CD59: variants seen among roughly 807,000 people sequenced by gnomAD.
CD59 encodes the protein CD59 molecule (CD59 blood group), also known as CD59 glycoprotein.
CD59 carries 3 observed loss-of-function variants against 7.0 expected under a neutral mutation model. The ratio of observed to expected loss-of-function variants is 0.43; its 90% CI spans 0.19 to 1.10. CD59 has a LOEUF of 1.10. Ranked by LOEUF, CD59 falls within the 50% of genes least tolerant of loss-of-function variation. The pLI is 0.29. For synonymous variants in CD59, 60 were observed against 62.0 expected, an observed-to-expected ratio of 0.97 and a Z score of 0.15; for missense variants, 143 against 151.0, an observed-to-expected ratio of 0.95 and a Z score of 0.28.
intron 1 of CD59, among the ~76,000 whole-genome samples, chr11:33,723,631 C>T (rs981523246): frequency 3.3e-5 from 5 of 152,226 alleles, no homozygotes; most frequent in East Asian, 1.9e-4. Context: ...CCCCACCACC[C>T]GCTGGGCTCT....
chr11:33,735,150 T>G (rs1316614604), intron 1 of CD59, among the ~76,000 whole-genome samples: 1 of 152,130 alleles, frequency 6.6e-6, no homozygotes, highest in Non-Finnish European at 1.5e-5. Context: ...CCCTCAACAT[T>G]CGGGGCTCTG....
In CD59 at chr11:33,710,294, G is replaced by A. The variant is rs761038612; in HGVS notation, c.219C>T (p.Asn73=). ...KCWKFEHCNF[N]DVTTRLRENE... ...TTTCCCTCAAGCGGGTTGTGACGTCGTTGAAATTGCAATGCTCAAACTTCC... is the reference window on the plus strand; with the variant it reads ...TTTCCCTCAAGCGGGTTGTGACGTCATTGAAATTGCAATGCTCAAACTTCC... The change falls in exon 4 of 4, where the codon AAC becomes AAT. Residue 73 remains asparagine (N), a synonymous_variant. Coordinates refer to ENST00000642928, the MANE Select transcript of CD59 (RefSeq NM_000611.6). The A allele has an allele frequency of 6.2e-6, 10 of 1,614,054 alleles. No homozygotes were observed. Among genetic ancestry groups the A allele is most frequent in the Non-Finnish European group, 8.5e-6 (10 of 1,180,016 alleles).
chr11:33,722,626 C>T (rs1277988135), intron 1 of CD59, 163 bp from the exon 2 acceptor site: 1 of 1,490,786 alleles, frequency 6.7e-7, no homozygotes, highest in Non-Finnish European at 9.0e-7. Context: ...TGACCCACAG[C>T]ACCATATACC....
intron 2 of CD59, among the ~76,000 whole-genome samples, chr11:33,722,162 C>T (rs1372701182): frequency 1.3e-5 from 2 of 152,080 alleles, no homozygotes; most frequent in African/African-American, 4.8e-5. Flanking sequence ...AAAAGCCACG[C>T]TGTAACTCAG....
intron 3 of CD59, among the ~76,000 whole-genome samples, chr11:33,711,061 G>A (rs1040456956): frequency 1.7e-4 from 25 of 146,446 alleles, no homozygotes; most frequent in Admixed American, 3.4e-4. Flanking sequence ...GTGGGGGGGG[G>A]GCAGAAAAAT....
In CD59 at chr11:33,709,612, C is replaced by T. The variant is rs1853452774; in HGVS notation, c.*514G>A. The T allele has an allele frequency of 5.4e-6, 1 of 186,812 alleles. No homozygotes were observed. The highest frequency in any genetic ancestry group is 2.4e-5 in the African/African-American group (1 of 42,384). The allele number at this position is 186,812 out of a possible 1,614,324, so 11.6% of individuals were successfully genotyped here. ...CTTCCCTGCCAGAAGTCCTCTAGCT[C>T]TGCATTAAGGATCTTGTTGTCCCTG... On this transcript the variant is annotated 3_prime_UTR_variant, in exon 4 of 4. Coordinates refer to ENST00000642928, the MANE Select transcript of CD59 (RefSeq NM_000611.6).
At position 33,708,310 on chromosome 11, in the gene CD59, G is replaced by C. The variant is rs1176753981; in HGVS notation, c.*1816C>G. ...AGTGGCACTCAGATTTTGCTTTAGAGGACTACCTTCTTCCCAGTGTAGTCT... is the reference window on the plus strand; with the variant it reads ...AGTGGCACTCAGATTTTGCTTTAGACGACTACCTTCTTCCCAGTGTAGTCT... On this transcript the variant is annotated 3_prime_UTR_variant, in exon 4 of 4. Coordinates refer to ENST00000642928, the MANE Select transcript of CD59 (RefSeq NM_000611.6). 6.6e-6 allele frequency: 1 copy of C among 152,068 alleles called. No homozygotes were observed. Among genetic ancestry groups the C allele is most frequent in the African/African-American group, 2.4e-5 (1 of 41,386 alleles). 9.4% of individuals were successfully genotyped at this position (152,068 alleles called of 1,614,324 possible).
intron 2 of CD59, 70 bp from the exon 3 acceptor site, chr11:33,717,541 C>A: frequency 1.1e-6 from 1 of 938,820 alleles, no homozygotes; most frequent in East Asian, 2.5e-5. Flanking sequence ...CCACCATCTC[C>A]ATTAATATGG....
intron 1 of CD59, among the ~76,000 whole-genome samples, chr11:33,725,920 A>C (rs915033340): frequency 6.6e-6 from 1 of 152,224 alleles, no homozygotes; most frequent in African/African-American, 2.4e-5. Context: ...AACAAAGATC[A>C]AAAGAGATAA....
intron 1 of CD59, among the ~76,000 whole-genome samples, chr11:33,731,915 G>A (rs1854429179): frequency 6.6e-6 from 1 of 152,218 alleles, no homozygotes; most frequent in Non-Finnish European, 1.5e-5. Flanking sequence ...TAATTCCCAC[G>A]TGTTGTGGGA....
chr11:33,725,323 G>A (rs1185498689), intron 1 of CD59, among the ~76,000 whole-genome samples: 1 of 147,936 alleles, frequency 6.8e-6, no homozygotes, highest in Non-Finnish European at 1.5e-5. Flanking sequence ...CATAAGTTAA[G>A]TGTAGATAAG....
rs924621175 is a variant in CD59, at chr11:33,707,872, T to C, written c.*2254A>G. 1.3e-5 allele frequency: 2 copies of C among 152,168 alleles called. No homozygotes were observed. The highest frequency in any genetic ancestry group is 2.9e-5 in the Non-Finnish European group (2 of 68,028). The allele number at this position is 152,168 out of a possible 1,614,324, so 9.4% of individuals were successfully genotyped here. On this transcript the variant is annotated 3_prime_UTR_variant, in exon 4 of 4. Coordinates refer to ENST00000642928, the MANE Select transcript of CD59 (RefSeq NM_000611.6). ...AGCCTTTACTGTCATAGTGAAGAGC[T>C]TGCCAAGGACAGGACTGATTCTTCC...
At chr11:33,716,095 G>T (rs1473424111) in intron 3 of CD59, among the ~76,000 whole-genome samples, 3 of 152,198 alleles carry the variant, frequency 2.0e-5, no homozygotes, top group Non-Finnish European at 4.4e-5. Flanking sequence ...AATGAATATG[G>T]TCTTCCAGTG....
At chr11:33,722,334 T>C (rs753720251) in intron 2 of CD59, 45 bp downstream of exon 2, 16 of 1,427,714 alleles carry the variant, frequency 1.1e-5, no homozygotes, top group Middle Eastern at 1.8e-4. Flanking sequence ...AGGGAGTTCA[T>C]GGCCAAGGCA....
intron 2 of CD59, chr11:33,718,117 TTTTG>T (rs1441034401): frequency 6.4e-6 from 1 of 156,488 alleles, no homozygotes; most frequent in Non-Finnish European, 1.4e-5. Context: ...TCTGTGAAAA[TTTTG>T]TTTCTTATTA....
intron 1 of CD59, among the ~76,000 whole-genome samples, chr11:33,725,475 T>A (rs1371322960): frequency 6.6e-6 from 1 of 152,144 alleles, no homozygotes; most frequent in Non-Finnish European, 1.5e-5. Flanking sequence ...CTAACGACTG[T>A]TCTAATAATA....
chr11:33,710,158 A>G lies in CD59; in HGVS notation c.355T>C (p.Phe119Leu), dbSNP rs758222204. Residue 119 changes from phenylalanine to leucine, a missense_variant, in exon 4 of 4, where the codon TTT (phenylalanine) becomes CTT (leucine). Physicochemically the swap from Phe to Leu is conservative, Grantham distance 22. Coordinates refer to ENST00000642928, the MANE Select transcript of CD59 (RefSeq NM_000611.6). ...EKTVLLLVTP[F>L]LAAAWSLHP ...TGAAGGCTCCAGGCTGCTGCCAGAAATGGAGTCACCAGCAGAAGAACTGTT... is the reference window on the plus strand; with the variant it reads ...TGAAGGCTCCAGGCTGCTGCCAGAAGTGGAGTCACCAGCAGAAGAACTGTT... The G allele has an allele frequency of 3.7e-6, 6 of 1,613,864 alleles. No homozygotes were observed. Among genetic ancestry groups the G allele is most frequent in the Non-Finnish European group, 5.1e-6 (6 of 1,179,910 alleles).
chr11:33,727,998 C>T (rs1854307383), intron 1 of CD59, among the ~76,000 whole-genome samples: 1 of 152,124 alleles, frequency 6.6e-6, no homozygotes, highest in Admixed American at 6.5e-5. Context: ...GAACTACAAA[C>T]CACTGCTCAA....
intron 2 of CD59, chr11:33,718,059 A>G (rs751046986): frequency 2.0e-4 from 33 of 165,670 alleles, no homozygotes; most frequent in Non-Finnish European, 3.7e-4. Context: ...GATGTGTATT[A>G]TTATGCTGGA....
Sources: gnomAD v4.1 joint callset for allele counts (sites outside exome capture counted in the v4.1 genomes callset) on GRCh38, gnomAD v4.1.1 for gene constraint, MANE v1.5 for transcripts, NCBI Gene and HGNC (gene_info 2026-07-23, HGNC 2026-07-21) for gene names.